Variants in GATAD2B observed in about 807,000 individuals in gnomAD.
GATAD2B encodes transcriptional repressor p66-beta.
A neutral mutation model predicts 64.3 loss-of-function variants in GATAD2B; 8 were observed. The ratio of observed to expected loss-of-function variants is 0.12; its 90% CI spans 0.07 to 0.22. The LOEUF (loss-of-function observed/expected upper bound fraction) is 0.22. GATAD2B is among the 10% of genes least tolerant of loss of function. The probability of loss-of-function intolerance (pLI) is 1.00; values close to 1 mark genes in which losing one functional copy is unlikely to be tolerated. For synonymous variants in GATAD2B, 281 were observed against 271.3 expected (o/e 1.04, Z -0.35); for missense variants, 453 against 752.0 (o/e 0.60, Z 4.65).
chr1:153,892,741 C>T (rs545245236), intron 1 of GATAD2B, among the ~76,000 whole-genome samples: 1 of 136,590 alleles, frequency 7.3e-6, no homozygotes, highest in African/African-American at 2.8e-5. Flanking sequence ...GTCACCCAGG[C>T]TGGAGTGCAG....
At chr1:153,856,461 C>T (rs867686410) in intron 1 of GATAD2B, among the ~76,000 whole-genome samples, 2 of 152,114 alleles carry the variant, frequency 1.3e-5, no homozygotes, top group African/African-American at 2.4e-5. Context: ...ATATTCACTG[C>T]TGAACAAGAT....
At chr1:153,875,942 G>A (rs1227547314) in intron 1 of GATAD2B, among the ~76,000 whole-genome samples, 1 of 151,876 alleles carries the variant, frequency 6.6e-6, no homozygotes, top group Non-Finnish European at 1.5e-5. Context: ...CGATTTCACA[G>A]TCCAGGCCAG....
At chr1:153,839,242 T>G (rs1017277456) in intron 1 of GATAD2B, among the ~76,000 whole-genome samples, 1 of 150,900 alleles carries the variant, frequency 6.6e-6, no homozygotes, top group African/African-American at 2.4e-5. Context: ...GAATGCCAAA[T>G]GAAATAGCTC....
At chr1:153,919,106 T>C (rs1678354434) in intron 1 of GATAD2B, among the ~76,000 whole-genome samples, 1 of 152,246 alleles carries the variant, frequency 6.6e-6, no homozygotes, top group Non-Finnish European at 1.5e-5. Context: ...TTGTCAAAGA[T>C]GCTTCTGCAG....
chr1:153,890,063 T>C (rs1677323524), intron 1 of GATAD2B, among the ~76,000 whole-genome samples: 1 of 150,374 alleles, frequency 6.7e-6, no homozygotes, highest in Non-Finnish European at 1.5e-5. Flanking sequence ...TCCCAGCCAC[T>C]CGGGAGGCTG....
rs1189370860 is a variant in GATAD2B at position 153,875,680 on chromosome 1, A to AG, written c.-2+47052dup. 1.7e-3 allele frequency among the ~76,000 whole-genome samples: 82 copies of AG among 47,524 alleles called. 1 individual carries two copies. Among genetic ancestry groups the AG allele is most frequent in the Non-Finnish European group, 2.7e-3 (60 of 22,212 alleles). The allele number at this position is 47,524 out of a possible 152,430, so 31.2% of individuals were successfully genotyped here. On this transcript the variant is annotated intron_variant, in intron 1 of 10. Coordinates refer to ENST00000368655, the MANE Select transcript of GATAD2B (RefSeq NM_020699.4). ...GTCAATAGACCTACCACGAGTTTGG[A>AG]GGGAAAAAAAAAAAAAAAAAAAAAA... is the stretch of plus-strand genomic sequence containing the variant.
rs772239840 is a variant in GATAD2B at position 153,818,960 on chromosome 1, G to A, written c.466-38C>T. 4.4e-6 allele frequency: 7 copies of A among 1,598,078 alleles called. No homozygotes were observed. The Admixed American group carries it at 1.0e-4, about 23-fold the overall frequency. ...GAAGACTTTCAGCTATGGCAGCAAG[G>A]TACCCAGAATTCCTTCCTGCAAGAG... On this transcript the variant is annotated intron_variant, in intron 3 of 10. Coordinates refer to ENST00000368655, the MANE Select transcript of GATAD2B (RefSeq NM_020699.4).
intron 1 of GATAD2B, among the ~76,000 whole-genome samples, chr1:153,902,074 A>G (rs1471833065): frequency 1.3e-5 from 2 of 151,744 alleles, no homozygotes; most frequent in African/African-American, 4.8e-5. Flanking sequence ...TGAGGTCAGG[A>G]GTTCGAGACC....
At chr1:153,874,975 G>C (rs1676780094) in intron 1 of GATAD2B, among the ~76,000 whole-genome samples, 1 of 151,942 alleles carries the variant, frequency 6.6e-6, no homozygotes, top group Non-Finnish European at 1.5e-5. Context: ...CAAACTCCCA[G>C]GCTCAATCAA....
At chr1:153,840,463 G>A (rs911884423) in intron 1 of GATAD2B, among the ~76,000 whole-genome samples, 3 of 151,822 alleles carry the variant, frequency 2.0e-5, no homozygotes, top group Non-Finnish European at 2.9e-5. Flanking sequence ...TCAGCCTCCC[G>A]AGTAGCTAGG....
Position 153,812,013 on chromosome 1 carries a change from G to A in GATAD2B, c.1530+9C>T, listed in dbSNP as rs767721612. The A allele has an allele frequency of 1.9e-6, 3 of 1,544,886 alleles. No homozygotes were observed. In the East Asian group the frequency reaches 6.7e-5, roughly 35 times the overall value. On this transcript the variant is annotated intron_variant, in intron 9 of 10. Coordinates refer to ENST00000368655, the MANE Select transcript of GATAD2B (RefSeq NM_020699.4). Reference sequence around the variant, plus strand: ...TAAAGAAATCAGGATCAGGCAAAAAGTTCCTTACCTGCCGAAGCGTATGAT... The same window carrying A: ...TAAAGAAATCAGGATCAGGCAAAAAATTCCTTACCTGCCGAAGCGTATGAT...
chr1:153,818,314 CTTTTT>C (rs35175263), intron 4 of GATAD2B, 143 bp from the exon 5 acceptor site: 671 of 319,394 alleles, frequency 2.1e-3, no homozygotes, highest in South Asian at 2.7e-3. Context: ...TCAAGGTTTT[CTTTTT>C]TTTTTTTTTT....
rs571608128 is a variant in GATAD2B, at chr1:153,872,061, T to C, written c.-1-43713A>G. 5.3e-5 allele frequency among the ~76,000 whole-genome samples: 8 copies of C among 152,180 alleles called. 1 individual carries two copies. The South Asian group carries it at 1.7e-3, about 32-fold the overall frequency. Reference sequence around the variant, plus strand: ...GGCTAGGCGCGGTGGCTCATGCCTGTAATCCCAGCACTTTGAGAGGCTGCG... The same window carrying C: ...GGCTAGGCGCGGTGGCTCATGCCTGCAATCCCAGCACTTTGAGAGGCTGCG... On this transcript the variant is annotated intron_variant, in intron 1 of 10. Coordinates refer to ENST00000368655, the MANE Select transcript of GATAD2B (RefSeq NM_020699.4).
intron 2 of GATAD2B, among the ~76,000 whole-genome samples, chr1:153,824,850 A>G (rs1267827930): frequency 6.6e-6 from 1 of 152,032 alleles, no homozygotes; most frequent in Non-Finnish European, 1.5e-5. Flanking sequence ...TTAGGAGGCA[A>G]AGGCGGGCAG....
At chr1:153,829,902 C>T (rs1020792034) in intron 1 of GATAD2B, among the ~76,000 whole-genome samples, 1 of 152,110 alleles carries the variant, frequency 6.6e-6, no homozygotes, top group African/African-American at 2.4e-5. Flanking sequence ...GAGTTCGAGA[C>T]CAGCCTGGCC....
At position 153,889,702 on chromosome 1, in the gene GATAD2B, C is replaced by G. The variant is rs1471614303; in HGVS notation, c.-2+33031G>C. 3.9e-6 allele frequency: 3 copies of G among 763,366 alleles called. No individual in the cohort carries two copies. The African/African-American group carries it at 5.6e-5, about 14-fold the overall frequency. 47.3% of individuals were successfully genotyped at this position (763,366 alleles called of 1,614,324 possible). On this transcript the variant is annotated intron_variant, in intron 1 of 10. Transcript: ENST00000368655. ...CATGTTACTTATTTTCATATGTTCT[C>G]TGTATTTTCAACATTAAAATTAACT...
chr1:153,901,810 C>T (rs986315710), intron 1 of GATAD2B, among the ~76,000 whole-genome samples: 5 of 147,056 alleles, frequency 3.4e-5, no homozygotes, highest in African/African-American at 5.0e-5. Flanking sequence ...GGAGACAGAG[C>T]AAAACTCTTG....
At chr1:153,864,878 G>C (rs1265941827) in intron 1 of GATAD2B, among the ~76,000 whole-genome samples, 2 of 151,884 alleles carry the variant, frequency 1.3e-5, no homozygotes, top group African/African-American at 4.8e-5. Flanking sequence ...AGACCAGCCA[G>C]GTCAACATAG....
rs149453793 is a variant in GATAD2B, at chr1:153,865,231, G to A, written c.-1-36883C>T. ...TCCCAGCACTATGGTAGGCCAAGGC[G>A]GGTGGATCACCTGAAGTCAGGAGTT... On this transcript the variant is annotated intron_variant, in intron 1 of 10. Coordinates refer to ENST00000368655, the MANE Select transcript of GATAD2B (RefSeq NM_020699.4). Among the ~76,000 whole-genome samples, 294 of 152,238 alleles carry A rather than the reference G, an allele frequency of 1.9e-3. 2 individuals carry two copies. Among genetic ancestry groups the A allele is most frequent in the African/African-American group, 6.6e-3 (275 of 41,550 alleles).
Sources: gnomAD v4.1 joint callset for allele counts (sites outside exome capture counted in the v4.1 genomes callset) on GRCh38, gnomAD v4.1.1 for gene constraint, MANE v1.5 for transcripts, NCBI Gene and HGNC (gene_info 2026-07-23, HGNC 2026-07-21) for gene names.